The following FTCD variants were observed in gnomAD, a reference collection of about 807,000 sequenced individuals.
The protein encoded by FTCD is formimidoyltransferase-cyclodeaminase.
In FTCD, 76 loss-of-function variants were observed where a neutral mutation model predicts 62.9. That is an observed-to-expected ratio of 1.21 (90% CI 1.00 to 1.46). FTCD has a LOEUF of 1.46. Among genes scored for constraint, FTCD ranks in the 40% most tolerant of loss-of-function variants. The pLI is 0.00. For synonymous variants in FTCD, 397 were observed against 336.9 expected (o/e 1.18, Z -1.95); for missense variants, 845 against 751.3 (o/e 1.12, Z -1.46).
chr21:46,146,366 T>G lies in FTCD; in HGVS notation c.907-39A>C, dbSNP rs778890059. ...TTGGAGTGGAAACGGCCTCGGCGCG[T>G]CTCCACCACCAGGAAAGCCTCGGAA... On this transcript the variant is annotated intron_variant, in intron 7 of 13. Coordinates refer to ENST00000397746, the MANE Select transcript of FTCD (RefSeq NM_206965.2). 5.1e-5 allele frequency: 73 copies of G among 1,425,932 alleles called. 1 individual carries two copies. Among genetic ancestry groups the G allele is most frequent in the Non-Finnish European group, 6.7e-5 (69 of 1,028,362 alleles). The allele number at this position is 1,425,932 out of a possible 1,614,324, so 88.3% of individuals were successfully genotyped here.
rs766016017 is a variant in FTCD, at chr21:46,154,175, C to T, written c.212G>A (p.Arg71Gln). The T allele has an allele frequency of 1.4e-5, 23 of 1,612,842 alleles. No homozygotes were observed. Among genetic ancestry groups the T allele is most frequent in the African/African-American group, 2.7e-5 (2 of 75,062 alleles). The change falls in exon 2 of 14, where the codon CGA (arginine) becomes CAA (glutamine). Residue 71 changes from arginine (R) to glutamine (Q), a missense_variant. Transcript: ENST00000397746. ...GALNAARVAS[R>Q]LIDMSRHQGE... The stretch of plus-strand genomic sequence containing the variant: ...TTGGTGCCTGCTCATGTCGATAAGT[C>T]GGGAAGCTACCCGGGCAGCGTTGAG...
chr21:46,142,045 C>G (rs1405624659), intron 10 of FTCD: 1 of 152,322 alleles, frequency 6.6e-6, no homozygotes, highest in Non-Finnish European at 1.5e-5. Flanking sequence ...ACTGGGCGGG[C>G]TGTGGCGAAG....
Position 46,150,506 on chromosome 21 carries a change from A to T in FTCD, c.656T>A (p.Val219Asp), listed in dbSNP as rs765622471. Residue 219 changes from valine to aspartate, a missense_variant, in exon 6 of 14, where the codon GTT (valine) becomes GAT (aspartate). Val to Asp is a radical substitution (Grantham distance 152). Coordinates refer to ENST00000397746, the MANE Select transcript of FTCD (RefSeq NM_206965.2). ...ATCCAGGTACCAGCCAATGCCCTGA[A>T]CTTTCTTCAGACGTCCTGGCTGCAA... ...GKDQPGRLKK[V>D]QGIGWYLDEK... 5 of 1,613,350 alleles carry T rather than the reference A, an allele frequency of 3.1e-6. No homozygotes were observed. Among genetic ancestry groups the T allele is most frequent in the Admixed American group, 3.3e-5 (2 of 60,032 alleles).
At chr21:46,143,167 C>T (rs891975534) in intron 10 of FTCD, among the ~76,000 whole-genome samples, 1 of 152,176 alleles carries the variant, frequency 6.6e-6, no homozygotes, top group African/African-American at 2.4e-5. Context: ...TGGGGCCTGC[C>T]TTTCTCACCC....
At chr21:46,151,187 G>A (rs1349064994) in intron 5 of FTCD, among the ~76,000 whole-genome samples, 2 of 151,918 alleles carry the variant, frequency 1.3e-5, no homozygotes, top group East Asian at 1.9e-4. Context: ...CTGAAGGTTT[G>A]TAGGGGTGTC....
intron 10 of FTCD, among the ~76,000 whole-genome samples, chr21:46,143,623 T>C (rs1292675422): frequency 6.6e-6 from 1 of 152,154 alleles, no homozygotes; most frequent in African/African-American, 2.4e-5. Flanking sequence ...AGGGGCACGC[T>C]AAAAAGTGAC....
chr21:46,145,872 A>C lies in FTCD; in HGVS notation c.1044T>G (p.Gly348=), dbSNP rs1231670248. The C allele has an allele frequency of 2.3e-6, 3 of 1,282,646 alleles. No individual in the cohort carries two copies. Among genetic ancestry groups the C allele is most frequent in the African/African-American group, 2.2e-5 (1 of 45,086 alleles). The allele number at this position is 1,282,646 out of a possible 1,614,324, so 79.5% of individuals were successfully genotyped here. ...KSLRAFVGEV[G]ARSAAPGGGS... ...CGCCCCCGGGGGCCGCAGAGCGGGCACCCACCTCCCCCACGAAGGCGCGCA... is the reference window on the plus strand; with the variant it reads ...CGCCCCCGGGGGCCGCAGAGCGGGCCCCCACCTCCCCCACGAAGGCGCGCA... Residue 348 remains glycine, a synonymous_variant, in exon 9 of 14, where the codon GGT becomes GGG. Transcript: ENST00000397746.
Position 46,136,828 on chromosome 21 carries a change from T to A in FTCD, c.*159A>T. 1.3e-6 allele frequency: 2 copies of A among 1,549,488 alleles called. No homozygotes were observed. The highest frequency in any genetic ancestry group is 1.7e-6 in the Non-Finnish European group (2 of 1,146,494). ...GTCACATGGGACTAGGGGCCTTCTG[T>A]CCCTGCCAGCGCCTCCATTCCCAGG... On this transcript the variant is annotated 3_prime_UTR_variant, in exon 14 of 14. Coordinates refer to ENST00000397746, the MANE Select transcript of FTCD (RefSeq NM_206965.2).
rs912865241 is a variant in FTCD, at chr21:46,140,095, C to T, written c.1261-1172G>A. Among the ~76,000 whole-genome samples, 5 of 152,192 alleles carry T rather than the reference C, an allele frequency of 3.3e-5. No homozygotes were observed. In the East Asian group the frequency reaches 9.6e-4, roughly 29 times the overall value. On this transcript the variant is annotated intron_variant, in intron 10 of 13. Transcript: ENST00000397746. ...TGTATTTGGTGCAAGGTACAGATAT[C>T]TCCTTATGTTTTTCAAAAGTCGACC...
intron 1 of FTCD, 38 bp from the exon 2 acceptor site, chr21:46,154,370 C>T (rs1360911705): frequency 3.1e-6 from 5 of 1,588,616 alleles, no homozygotes; most frequent in East Asian, 2.3e-5. Context: ...TCAGTCTCCC[C>T]GTTTGAAAGA....
In FTCD at chr21:46,152,947, C is replaced by G; in HGVS notation, c.327G>C (p.Gln109His). 1 of 1,564,196 alleles carries G rather than the reference C, an allele frequency of 6.4e-7. No homozygotes were observed. Among genetic ancestry groups the G allele is most frequent in the Non-Finnish European group, 8.7e-7 (1 of 1,154,596 alleles). ...VSVDECVLCAQAFGQRLAEEL... is the reference protein window; with the variant it reads ...VSVDECVLCAHAFGQRLAEEL... ...CCTCTGCCAGCCTCTGGCCAAAGGC[C>G]TGGGCGCAGAGCACACACTCATCCA... The change falls in exon 3 of 14, where the codon CAG (glutamine) becomes CAC (histidine). Residue 109 changes from glutamine (Q) to histidine (H), a missense_variant. Transcript: ENST00000397746.
At chr21:46,154,080 G>A (rs2079370047) in intron 2 of FTCD, 69 bp downstream of exon 2, 2 of 1,529,478 alleles carry the variant, frequency 1.3e-6, no homozygotes, top group Middle Eastern at 1.7e-4. Context: ...CCTCTCCCAG[G>A]ACACCAGGAC....
intron 12 of FTCD, 121 bp downstream of exon 12, chr21:46,138,387 G>A (rs984085564): frequency 1.8e-4 from 172 of 942,720 alleles, no homozygotes; most frequent in East Asian, 4.0e-4. Flanking sequence ...GGAACTGCCC[G>A]TGAAGTGAGG....
Position 46,138,889 on chromosome 21 carries a change from T to C in FTCD, c.1295A>G (p.Glu432Gly), listed in dbSNP as rs1478772945. The stretch of plus-strand genomic sequence containing the variant: ...GGCCCTCCAGGCTCACCTGTCCTTT[T>C]CCTCAGGTGTGTTCTTGGGGAGCCT... ...AMRLPKNTPEEKDRRTAALQE... is the reference protein window; with the variant it reads ...AMRLPKNTPEGKDRRTAALQE... The change falls in exon 11 of 14, where the codon GAA (glutamate) becomes GGA (glycine). Residue 432 changes from glutamate to glycine, a missense_variant. Coordinates refer to ENST00000397746, the MANE Select transcript of FTCD (RefSeq NM_206965.2). The C allele has an allele frequency of 6.2e-7, 1 of 1,612,746 alleles. No homozygotes were observed. Among genetic ancestry groups the C allele is most frequent in the Non-Finnish European group, 8.5e-7 (1 of 1,178,944 alleles).
In FTCD at chr21:46,146,023, G is replaced by A. The variant is rs111957175; in HGVS notation, c.969-76C>T. 251 of 921,498 alleles carry A rather than the reference G, an allele frequency of 2.7e-4. 2 individuals carry two copies. The African/African-American group carries it at 4.0e-3, about 15-fold the overall frequency. 57.1% of individuals were successfully genotyped at this position (921,498 alleles called of 1,614,324 possible). On this transcript the variant is annotated intron_variant, in intron 8 of 13. Transcript: ENST00000397746. ...CGCAGTCCTCCCGGGGCGGCCCCAG[G>A]CCCCACGCCCGTCTGCACCCACGGG...
Position 46,137,294 on chromosome 21 carries a change from T to C in FTCD, c.1484A>G (p.Tyr495Cys), listed in dbSNP as rs1489442504. Residue 495 changes from tyrosine (Y) to cysteine (C), a missense_variant, in exon 13 of 14, where the codon TAT (tyrosine) becomes TGT (cysteine). By Grantham distance (194) the Tyr-to-Cys change is radical. Transcript: ENST00000397746. ...KALEMGVFGA[Y>C]FNVLINLRDI... ...CCTCAGGTTGATGAGCACGTTGAAA[T>C]ATGCGCCAAACACGCCCATCTCCAG... 1 of 1,613,826 alleles carries C rather than the reference T, an allele frequency of 6.2e-7. No homozygotes were observed. Among genetic ancestry groups the C allele is most frequent in the Non-Finnish European group, 8.5e-7 (1 of 1,179,966 alleles).
chr21:46,142,434 G>C (rs2079037078), intron 10 of FTCD: 1 of 151,464 alleles, frequency 6.6e-6, no homozygotes. Context: ...GCTCTTACAG[G>C]TGGCGCGTCG....
At position 46,150,494 on chromosome 21, in the gene FTCD, C is replaced by T; in HGVS notation, c.668G>A (p.Gly223Asp). ...CAGGTTCTTCTCATCCAGGTACCAG[C>T]CAATGCCCTGAACTTTCTTCAGACG... is the stretch of plus-strand genomic sequence containing the variant. ...PGRLKKVQGI[G>D]WYLDEKNLAQ... Residue 223 changes from glycine to aspartate, a missense_variant, in exon 6 of 14, where the codon GGC becomes GAC. Transcript: ENST00000397746. 1 of 1,613,356 alleles carries T rather than the reference C, an allele frequency of 6.2e-7. No homozygotes were observed. Among genetic ancestry groups the T allele is most frequent in the Non-Finnish European group, 8.5e-7 (1 of 1,179,932 alleles).
intron 7 of FTCD, among the ~76,000 whole-genome samples, chr21:46,149,046 C>T (rs368735681): frequency 9.2e-5 from 14 of 151,828 alleles, no homozygotes; most frequent in East Asian, 3.8e-4. Context: ...TTAAATAGTC[C>T]GGAAAAAAAT....
Sources: gnomAD v4.1 joint callset for allele counts (sites outside exome capture counted in the v4.1 genomes callset) on GRCh38, gnomAD v4.1.1 for gene constraint, MANE v1.5 for transcripts, NCBI Gene and HGNC (gene_info 2026-07-23, HGNC 2026-07-21) for gene names.